The following RERE variants were observed in gnomAD, a reference collection of about 807,000 sequenced individuals.
The protein encoded by RERE is arginine-glutamic acid dipeptide repeats protein.
In RERE, 40 loss-of-function variants were observed where a neutral mutation model predicts 146.1. The ratio of observed to expected loss-of-function variants is 0.27; its 90% CI spans 0.21 to 0.36. The LOEUF is 0.36. Ranked by LOEUF, RERE falls within the 10% of genes least tolerant of loss-of-function variation. The pLI, the probability that RERE is intolerant of heterozygous loss-of-function variation, is 1.00. For missense variants in RERE, 1,933 were observed against 2,138.7 expected, an observed-to-expected ratio of 0.90 and a Z score of 1.90; for synonymous variants, 1,003 against 866.0, an observed-to-expected ratio of 1.16 and a Z score of -2.78.
chr1:8,448,296 G>C (rs540008972), intron 11 of RERE, among the ~76,000 whole-genome samples: 1 of 152,246 alleles, frequency 6.6e-6, no homozygotes, highest in South Asian at 2.1e-4. Context: ...CTCTCCCAAG[G>C]TACAGCAACT....
chr1:8,429,730 T>C (rs1300113093), intron 11 of RERE: 1 of 152,690 alleles, frequency 6.5e-6, no homozygotes, highest in African/African-American at 2.4e-5. Context: ...TGGAAAACAC[T>C]GTAGGTATTA....
At chr1:8,773,065 CA>C (rs1374755490) in intron 1 of RERE, among the ~76,000 whole-genome samples, 4 of 152,030 alleles carry the variant, frequency 2.6e-5, no homozygotes, top group African/African-American at 9.7e-5. Flanking sequence ...CCAGCCTGGG[CA>C]ACTAAGAAAT....
At chr1:8,606,030 G>C (rs1490036510) in intron 4 of RERE, among the ~76,000 whole-genome samples, 1 of 151,682 alleles carries the variant, frequency 6.6e-6, no homozygotes, top group Non-Finnish European at 1.5e-5. Flanking sequence ...TGCCCAGGCT[G>C]GTCTCAAACC....
chr1:8,564,848 G>GTGTGTGTA (rs1389016822), intron 4 of RERE, among the ~76,000 whole-genome samples: 2 of 141,140 alleles, frequency 1.4e-5, no homozygotes, highest in Non-Finnish European at 3.1e-5. Flanking sequence ...GTGTGTGTGT[G>GTGTGTGTA]TGTGTGTGTG....
intron 11 of RERE, among the ~76,000 whole-genome samples, chr1:8,448,751 C>T (rs1644355017): frequency 6.6e-6 from 1 of 152,104 alleles, no homozygotes; most frequent in Admixed American, 6.5e-5. Context: ...ATCTCTTGAA[C>T]CCGGGAGGCG....
intron 2 of RERE, among the ~76,000 whole-genome samples, chr1:8,630,426 T>C (rs1165269180): frequency 6.6e-6 from 1 of 152,008 alleles, no homozygotes; most frequent in Non-Finnish European, 1.5e-5. Flanking sequence ...AAGAGAGAGA[T>C]CCTAGCAAGA....
intron 1 of RERE, among the ~76,000 whole-genome samples, chr1:8,717,010 A>T (rs529447086): frequency 3.2e-4 from 48 of 152,312 alleles, no homozygotes; most frequent in Non-Finnish European, 5.7e-4. Context: ...TCACAATTTT[A>T]AAAAATAAAT....
intron 4 of RERE, among the ~76,000 whole-genome samples, chr1:8,610,952 T>C (rs1442298462): frequency 2.0e-5 from 3 of 150,780 alleles, no homozygotes; most frequent in African/African-American, 7.3e-5. Context: ...CCCAGCACTT[T>C]GGGAGGCCTA....
chr1:8,623,678 A>G (rs1338991871), intron 3 of RERE, among the ~76,000 whole-genome samples: 1 of 152,180 alleles, frequency 6.6e-6, no homozygotes, highest in African/African-American at 2.4e-5. Context: ...ACTGGCCCTA[A>G]AAAAGCGATT....
intron 6 of RERE, among the ~76,000 whole-genome samples, chr1:8,544,958 T>C (rs1241547278): frequency 6.6e-6 from 1 of 152,212 alleles, no homozygotes; most frequent in Non-Finnish European, 1.5e-5. Flanking sequence ...CAACTCGTGA[T>C]GAACAGTGTT....
chr1:8,404,468 G>C (rs917010252), intron 12 of RERE, among the ~76,000 whole-genome samples: 10 of 151,962 alleles, frequency 6.6e-5, no homozygotes, highest in South Asian at 2.1e-4. Context: ...ACTATGTTCA[G>C]ACTGGTCTCA....
intron 3 of RERE, among the ~76,000 whole-genome samples, chr1:8,617,829 T>A (rs1355180734): frequency 6.6e-6 from 1 of 152,238 alleles, no homozygotes; most frequent in Non-Finnish European, 1.5e-5. Context: ...GTTATGACTT[T>A]GGCTACATTC....
rs145438861 is a variant in RERE at position 8,583,292 on chromosome 1, T to C, written c.523-25769A>G. On this transcript the variant is annotated intron_variant, in intron 4 of 22. Transcript: ENST00000400908. Reference sequence around the variant, plus strand: ...GCTGACACACAACAAAATTCAGAAATAAGGCATCTCTACAAACCGCAAAAT... The same window carrying C: ...GCTGACACACAACAAAATTCAGAAACAAGGCATCTCTACAAACCGCAAAAT... Among the ~76,000 whole-genome samples, 71 of 152,160 alleles carry C rather than the reference T, an allele frequency of 4.7e-4. 1 individual carries two copies. The highest frequency in any genetic ancestry group is 1.7e-3 in the African/African-American group (69 of 41,492).
chr1:8,811,554 G>A (rs1396093730), intron 1 of RERE, among the ~76,000 whole-genome samples: 3 of 152,344 alleles, frequency 2.0e-5, no homozygotes, highest in Middle Eastern at 6.8e-3. Flanking sequence ...GCTGCAGTGA[G>A]CTATGCTCAT....
chr1:8,460,905 G>C (rs1169646768), intron 11 of RERE, among the ~76,000 whole-genome samples: 2 of 152,104 alleles, frequency 1.3e-5, no homozygotes, highest in Non-Finnish European at 2.9e-5. Flanking sequence ...GGAAAATGCA[G>C]GCCCTGAATT....
intron 1 of RERE, among the ~76,000 whole-genome samples, chr1:8,658,139 T>C (rs953253603): frequency 2.6e-5 from 4 of 152,208 alleles, no homozygotes; most frequent in Non-Finnish European, 4.4e-5. Flanking sequence ...GACCTAACAA[T>C]AAATTTATAA....
intron 6 of RERE, among the ~76,000 whole-genome samples, chr1:8,554,504 T>C (rs566947222): frequency 6.6e-6 from 1 of 151,848 alleles, no homozygotes; most frequent in South Asian, 2.1e-4. Context: ...CTGGGCAAGA[T>C]GGTAAAAGCT....
rs552005601 is a variant in RERE, at chr1:8,694,978, G to C, written c.-144-38537C>G. On this transcript the variant is annotated intron_variant, in intron 1 of 22. Coordinates refer to ENST00000400908, the MANE Select transcript of RERE (RefSeq NM_001042681.2). ...AAAGAGCCAAAGAAATCCTAAGGGG[G>C]GGGGGGGAATGCTGGCAGCATCACA... is the stretch of plus-strand genomic sequence containing the variant. Among the ~76,000 whole-genome samples, 9 of 94,532 alleles carry C rather than the reference G, an allele frequency of 9.5e-5. 1 individual carries two copies. The highest frequency in any genetic ancestry group is 3.7e-4 in the Admixed American group (3 of 8,080). The allele number at this position is 94,532 out of a possible 152,430, so 62.0% of individuals were successfully genotyped here.
intron 1 of RERE, among the ~76,000 whole-genome samples, chr1:8,664,312 A>G (rs1638522526): frequency 6.6e-6 from 1 of 152,060 alleles, no homozygotes; most frequent in South Asian, 2.1e-4. Context: ...CACTTCTTAT[A>G]CTAGGCCAAC....
Sources: gnomAD v4.1 joint callset for allele counts (sites outside exome capture counted in the v4.1 genomes callset) on GRCh38, gnomAD v4.1.1 for gene constraint, MANE v1.5 for transcripts, NCBI Gene and HGNC (gene_info 2026-07-23, HGNC 2026-07-21) for gene names.